PLB1: variants seen among roughly 807,000 people sequenced by gnomAD.
PLB1 encodes phospholipase B1, membrane-associated.
Under a neutral mutation model 227.4 loss-of-function variants are expected in PLB1, and 242 were observed. The observed-to-expected ratio is 1.06, with a 90% confidence interval of 0.96 to 1.18. The LOEUF is 1.18. Ranked by LOEUF, PLB1 falls within the 50% of genes most tolerant of loss-of-function variation. The pLI, the probability that PLB1 is intolerant of heterozygous loss-of-function variation, is 0.00. For synonymous variants in PLB1, 757 were observed against 682.2 expected (o/e 1.11, Z -1.71); for missense variants, 1,858 against 1,816.3 (o/e 1.02, Z -0.42).
chr2:28,584,141 C>T (rs1680524837), intron 25 of PLB1, among the ~76,000 whole-genome samples: 1 of 152,228 alleles, frequency 6.6e-6, no homozygotes, highest in African/African-American at 2.4e-5. Flanking sequence ...CCCTCCCCCA[C>T]AGCCTGTGAA....
At chr2:28,599,280 G>A (rs1274371946) in intron 35 of PLB1, among the ~76,000 whole-genome samples, 1 of 152,214 alleles carries the variant, frequency 6.6e-6, no homozygotes, top group Non-Finnish European at 1.5e-5. Context: ...CAGCCTCCTG[G>A]GGTGGGCTCC....
At position 28,598,743 on chromosome 2, in the gene PLB1, TC is replaced by T. The variant is rs1262464446; in HGVS notation, c.2460del (p.Gly821GlufsTer8). 1.2e-5 allele frequency: 20 copies of T among 1,613,878 alleles called. No homozygotes were observed. The highest frequency in any genetic ancestry group is 1.6e-5 in the Non-Finnish European group (19 of 1,179,858). ...CGAATGCATTCCTCAATCAAGCTGT[TC>T]CCGGAGCAAAGGCTGAGTATGGCAT... ...DTNAFLNQAV[P>X]GAKAEDLMSQ... On this transcript the variant is annotated frameshift_variant, in exon 35 of 58. Transcript: ENST00000327757. LOFTEE classifies it high-confidence loss of function.
At chr2:28,523,497 CA>C (rs1007334006) in intron 4 of PLB1, among the ~76,000 whole-genome samples, 6 of 152,084 alleles carry the variant, frequency 3.9e-5, no homozygotes, top group Non-Finnish European at 7.4e-5. Context: ...ACACATTCAG[CA>C]AACAAAGAGT....
At position 28,642,850 on chromosome 2, in the gene PLB1, C is replaced by A. The variant is rs1285486767; in HGVS notation, c.4174-8C>A. 2.5e-6 allele frequency: 4 copies of A among 1,581,930 alleles called. No homozygotes were observed. In the South Asian group the frequency reaches 3.4e-5, roughly 14 times the overall value. On this transcript the variant is annotated splice_region_variant and splice_polypyrimidine_tract_variant and intron_variant, in intron 57 of 57. Transcript: ENST00000327757. Reference sequence around the variant, plus strand: ...TCCTTTCCACTGACCCCCGCTCCTCCTCCACAGGAGAGCCCTTACCTCTAC... The same window carrying A: ...TCCTTTCCACTGACCCCCGCTCCTCATCCACAGGAGAGCCCTTACCTCTAC...
chr2:28,618,201 G>A (rs1573469660), intron 45 of PLB1, 140 bp from the exon 46 acceptor site: 1 of 800,620 alleles, frequency 1.2e-6, no homozygotes, highest in South Asian at 1.6e-5. Context: ...AATGGGAGGG[G>A]CAAAACTGCT....
intron 22 of PLB1, 53 bp from the exon 23 acceptor site, chr2:28,579,574 C>T: frequency 5.5e-6 from 8 of 1,461,504 alleles, no homozygotes; most frequent in Non-Finnish European, 7.7e-6. Context: ...TTGTGTTTTC[C>T]TTGACTTGAC....
intron 19 of PLB1, chr2:28,566,540 C>A (rs1246587163): frequency 6.1e-6 from 3 of 493,906 alleles, no homozygotes; most frequent in Middle Eastern, 5.2e-4. Flanking sequence ...AACCAACCTA[C>A]CTCCCCTTCC....
intron 25 of PLB1, among the ~76,000 whole-genome samples, chr2:28,582,844 A>C (rs1680275026): frequency 6.6e-6 from 1 of 152,112 alleles, no homozygotes; most frequent in African/African-American, 2.4e-5. Context: ...CGCCCAGGCC[A>C]CTGCTGGGAC....
At chr2:28,570,798 A>T (rs1020997809) in intron 20 of PLB1, among the ~76,000 whole-genome samples, 1 of 152,138 alleles carries the variant, frequency 6.6e-6, no homozygotes, top group African/African-American at 2.4e-5. Context: ...TAAATAAAGT[A>T]AAAAAATACT....
intron 14 of PLB1, among the ~76,000 whole-genome samples, chr2:28,545,955 C>T (rs1673190700): frequency 6.6e-6 from 1 of 152,158 alleles, no homozygotes; most frequent in African/African-American, 2.4e-5. Flanking sequence ...GCTCTCAGCT[C>T]TGCAGCCCAC....
intron 41 of PLB1, among the ~76,000 whole-genome samples, chr2:28,605,184 G>A (rs4666107): frequency 0.57 from 87,271 of 152,010 alleles, 25,579 homozygotes; most frequent in East Asian, 0.88. Flanking sequence ...CGTGTGCAAC[G>A]CTGCGGTTAT....
At position 28,523,758 on chromosome 2, in the gene PLB1, C is replaced by T. The variant is rs1021253339; in HGVS notation, c.244-1509C>T. On this transcript the variant is annotated intron_variant, in intron 4 of 57. Coordinates refer to ENST00000327757, the MANE Select transcript of PLB1 (RefSeq NM_153021.5). ...GAAGCAAATTGATGGTCCTAAGTGA[C>T]GCTTTGTCTTTAATTGAATCAGCTG... Among the ~76,000 whole-genome samples the T allele has an allele frequency of 5.3e-5, 8 of 152,304 alleles. 1 individual carries two copies. In the South Asian group the frequency reaches 6.2e-4, roughly 12 times the overall value.
chr2:28,513,898 T>G (rs930507553), intron 1 of PLB1, among the ~76,000 whole-genome samples: 1 of 152,214 alleles, frequency 6.6e-6, no homozygotes, highest in Non-Finnish European at 1.5e-5. Context: ...TTAAAACTCT[T>G]GCTGCTATAA....
At chr2:28,501,809 T>C (rs1038102705) in intron 1 of PLB1, among the ~76,000 whole-genome samples, 5 of 152,192 alleles carry the variant, frequency 3.3e-5, no homozygotes, top group African/African-American at 1.2e-4. Flanking sequence ...GAGATCTTTA[T>C]TTTTTTCCAA....
At chr2:28,549,044 GTTC>G (rs1673767840) in intron 15 of PLB1, 113 bp downstream of exon 15, 2 of 872,920 alleles carry the variant, frequency 2.3e-6, no homozygotes, top group African/African-American at 1.7e-5. Flanking sequence ...TCCTGTTTCT[GTTC>G]TTCTGGGCCT....
At position 28,565,365 on chromosome 2, in the gene PLB1, T is replaced by G; in HGVS notation, c.1280+12T>G. 2.5e-6 allele frequency: 4 copies of G among 1,599,892 alleles called. No individual in the cohort carries two copies. Among genetic ancestry groups the G allele is most frequent in the Non-Finnish European group, 3.4e-6 (4 of 1,172,988 alleles). On this transcript the variant is annotated intron_variant, in intron 19 of 57. Transcript: ENST00000327757. ...GGCCTGTCCTGGAGGTGAGTGAGGG[T>G]GTGGCAAGGCCCCAAAGGCCCCTTC... is the stretch of plus-strand genomic sequence containing the variant.
At chr2:28,525,848 C>A (rs1670173294) in intron 5 of PLB1, 57 bp from the exon 6 acceptor site, 2 of 1,599,108 alleles carry the variant, frequency 1.3e-6, no homozygotes, top group African/African-American at 1.3e-5. Flanking sequence ...AGGGGAAGGG[C>A]TATTGGCAGG....
chr2:28,551,408 G>C (rs957988636), intron 16 of PLB1, among the ~76,000 whole-genome samples: 1 of 152,256 alleles, frequency 6.6e-6, no homozygotes, highest in Admixed American at 6.5e-5. Flanking sequence ...AGGGGGGACT[G>C]AGGTGAGCTG....
intron 1 of PLB1, among the ~76,000 whole-genome samples, chr2:28,496,646 C>T (rs539271946): frequency 6.6e-6 from 1 of 152,260 alleles, no homozygotes; most frequent in South Asian, 2.1e-4. Flanking sequence ...AAAAGATTGC[C>T]TACATTCTTT....
Sources: gnomAD v4.1 joint callset for allele counts (sites outside exome capture counted in the v4.1 genomes callset) on GRCh38, gnomAD v4.1.1 for gene constraint, MANE v1.5 for transcripts, NCBI Gene and HGNC (gene_info 2026-07-23, HGNC 2026-07-21) for gene names.